RNF169: variants seen among roughly 807,000 people sequenced by gnomAD.
The protein encoded by RNF169 is ring finger protein 169, also known as E3 ubiquitin-protein ligase RNF169.
Under a neutral mutation model 53.9 loss-of-function variants are expected in RNF169, and 24 were observed. The ratio of observed to expected loss-of-function variants is 0.45; its 90% CI spans 0.32 to 0.63. RNF169 has a LOEUF of 0.63. Among genes scored for constraint, RNF169 ranks in the 20% least tolerant of loss-of-function variants. The probability of loss-of-function intolerance (pLI) is 0.04; values close to 1 mark genes in which losing one functional copy is unlikely to be tolerated. For missense variants in RNF169, 883 were observed against 906.2 expected (o/e 0.97, Z 0.33); for synonymous variants, 396 against 363.5 (o/e 1.09, Z -1.02).
chr11:74,828,097 C>T (rs2036125904), intron 4 of RNF169, among the ~76,000 whole-genome samples: 1 of 152,062 alleles, frequency 6.6e-6, no homozygotes, highest in African/African-American at 2.4e-5. Flanking sequence ...TTGTCCCAGC[C>T]CAAAAGCTTA....
At chr11:74,808,162 C>T (rs2035829874) in intron 2 of RNF169, 1 of 151,858 alleles carries the variant, frequency 6.6e-6, no homozygotes, top group Non-Finnish European at 1.5e-5. Flanking sequence ...GAGTTTGAGA[C>T]CAGCCTGGGC....
chr11:74,821,174 C>A (rs568250249), intron 4 of RNF169, among the ~76,000 whole-genome samples: 1 of 152,310 alleles, frequency 6.6e-6, no homozygotes, highest in East Asian at 1.9e-4. Context: ...CAACAGAAGG[C>A]TGCTCTCCTT....
At chr11:74,785,231 T>TATGA (rs1415945901) in intron 1 of RNF169, among the ~76,000 whole-genome samples, 29 of 86,924 alleles carry the variant, frequency 3.3e-4, no homozygotes, top group African/African-American at 1.5e-3. Flanking sequence ...GTTATATATA[T>TATGA]TATATATATG....
intron 4 of RNF169, among the ~76,000 whole-genome samples, chr11:74,819,910 C>T (rs1244736647): frequency 1.3e-5 from 2 of 152,130 alleles, no homozygotes; most frequent in African/African-American, 4.8e-5. Context: ...CGTGCAGATA[C>T]TTTTAAGCCT....
At chr11:74,750,334 A>G (rs562112265) in intron 1 of RNF169, among the ~76,000 whole-genome samples, 4 of 152,212 alleles carry the variant, frequency 2.6e-5, no homozygotes, top group Non-Finnish European at 5.9e-5. Flanking sequence ...TTCAAGAAAC[A>G]TAAATCACGA....
chr11:74,824,028 C>A (rs1255254821), intron 4 of RNF169, among the ~76,000 whole-genome samples: 2 of 151,930 alleles, frequency 1.3e-5, no homozygotes, highest in Non-Finnish European at 2.9e-5. Context: ...GAAACAATGA[C>A]CCATACACAG....
In RNF169 at chr11:74,767,193, AT is replaced by A. The variant is rs541276628; in HGVS notation, c.502+17816del. Among the ~76,000 whole-genome samples the A allele has an allele frequency of 5.9e-4, 90 of 152,252 alleles. 1 individual carries two copies. In the South Asian group the frequency reaches 0.017, roughly 29 times the overall value. On this transcript the variant is annotated intron_variant, in intron 1 of 5. Transcript: ENST00000299563. ...AAACACAGACTGAATCGAGTAGTAT[AT>A]TTTTAAAAAATCACAACCAAGTAGC...
intron 1 of RNF169, among the ~76,000 whole-genome samples, chr11:74,772,155 G>T (rs531173992): frequency 5.0e-4 from 74 of 147,328 alleles, no homozygotes; most frequent in Admixed American, 8.7e-4. Flanking sequence ...TCCTTTGCCT[G>T]ATCTAAGGGA....
At chr11:74,817,515 A>C (rs566955324) in intron 3 of RNF169, 81 bp from the exon 4 acceptor site, 1 of 831,456 alleles carries the variant, frequency 1.2e-6, no homozygotes, top group African/African-American at 1.7e-5. Context: ...CGACATAGAG[A>C]AAGAGATTTG....
At chr11:74,756,810 A>G (rs2034990787) in intron 1 of RNF169, among the ~76,000 whole-genome samples, 1 of 152,144 alleles carries the variant, frequency 6.6e-6, no homozygotes, top group African/African-American at 2.4e-5. Flanking sequence ...TTTGAGTGCC[A>G]TGCTAAGGAA....
intron 1 of RNF169, among the ~76,000 whole-genome samples, chr11:74,782,293 G>A (rs2035426918): frequency 6.6e-6 from 1 of 152,096 alleles, no homozygotes; most frequent in East Asian, 1.9e-4. Context: ...GAAGAGGTAG[G>A]CAGATCCACG....
intron 3 of RNF169, among the ~76,000 whole-genome samples, chr11:74,813,116 A>G (rs2035896413): frequency 6.6e-6 from 1 of 152,108 alleles, no homozygotes; most frequent in Non-Finnish European, 1.5e-5. Context: ...CTGTTTCTCC[A>G]CTTCTATCAG....
intron 4 of RNF169, among the ~76,000 whole-genome samples, chr11:74,828,011 G>A (rs768295474): frequency 6.6e-6 from 1 of 152,084 alleles, no homozygotes; most frequent in African/African-American, 2.4e-5. Flanking sequence ...AGAAATAAAG[G>A]GTATTCAAAT....
chr11:74,776,511 CAA>C (rs766527055), intron 1 of RNF169, among the ~76,000 whole-genome samples: 30 of 82,014 alleles, frequency 3.7e-4, no homozygotes, highest in South Asian at 4.6e-4. Flanking sequence ...TTCATTCAGC[CAA>C]AAAAAAAAAA....
At chr11:74,767,940 A>C (rs765296488) in intron 1 of RNF169, among the ~76,000 whole-genome samples, 2 of 152,128 alleles carry the variant, frequency 1.3e-5, no homozygotes, top group Non-Finnish European at 2.9e-5. Flanking sequence ...GGCCTGTCCA[A>C]GGTCTTGAGA....
In RNF169 at chr11:74,838,258, C is replaced by G. The variant is rs937323593; in HGVS notation, c.*1528C>G. On this transcript the variant is annotated 3_prime_UTR_variant, in exon 6 of 6. Transcript: ENST00000299563. ...AAGTCCAGAACAGTGACCCATTGAT[C>G]AAGGCAGATAGTATAACTCCTTTTA... 2 of 152,208 alleles carry G rather than the reference C, an allele frequency of 1.3e-5. No homozygotes were observed. Among genetic ancestry groups the G allele is most frequent in the Non-Finnish European group, 2.9e-5 (2 of 68,046 alleles). The allele number at this position is 152,208 out of a possible 1,614,324, so 9.4% of individuals were successfully genotyped here.
At chr11:74,774,885 G>A (rs2035310343) in intron 1 of RNF169, among the ~76,000 whole-genome samples, 1 of 152,260 alleles carries the variant, frequency 6.6e-6, no homozygotes, top group East Asian at 1.9e-4. Context: ...CTTGAATCTG[G>A]GAGGCAGAGG....
At chr11:74,827,114 T>C (rs986755933) in intron 4 of RNF169, among the ~76,000 whole-genome samples, 1 of 152,232 alleles carries the variant, frequency 6.6e-6, no homozygotes, top group Non-Finnish European at 1.5e-5. Context: ...GACTTCTGCC[T>C]GGACATCCCG....
chr11:74,829,726 A>T (rs111571463), intron 4 of RNF169, among the ~76,000 whole-genome samples: 1,567 of 152,336 alleles, frequency 0.01, 32 homozygotes, highest in African/African-American at 0.034. Flanking sequence ...CATCATTCTC[A>T]GCAAACTAAT....
Sources: allele counts gnomAD v4.1 joint callset (sites outside exome capture counted in the v4.1 genomes callset), GRCh38; gene constraint gnomAD v4.1.1; transcripts MANE v1.5; gene names NCBI Gene and HGNC (gene_info 2026-07-23, HGNC 2026-07-21).